Variants in TAFA1 observed in about 807,000 individuals in gnomAD.
TAFA1 encodes TAFA chemokine like family member 1.
Under a neutral mutation model 18.5 loss-of-function variants are expected in TAFA1, and 4 were observed. The observed-to-expected ratio is 0.22, with a 90% confidence interval of 0.11 to 0.49. The LOEUF (loss-of-function observed/expected upper bound fraction) is 0.49, where lower values mean the gene tolerates loss of function less well. Ranked by LOEUF, TAFA1 falls within the 20% of genes least tolerant of loss-of-function variation. The pLI is 0.98. For synonymous variants in TAFA1, 56 were observed against 55.2 expected (o/e 1.01, Z -0.06); for missense variants, 147 against 169.0 (o/e 0.87, Z 0.72).
At chr3:68,139,216 C>T (rs2065641919) in intron 2 of TAFA1, among the ~76,000 whole-genome samples, 1 of 152,010 alleles carries the variant, frequency 6.6e-6, no homozygotes, top group Admixed American at 6.6e-5. Context: ...CATTGACATA[C>T]CGAATATCAG....
intron 4 of TAFA1, among the ~76,000 whole-genome samples, chr3:68,539,556 T>C (rs1442174965): frequency 2.0e-5 from 3 of 151,718 alleles, no homozygotes; most frequent in African/African-American, 7.3e-5. Context: ...ATGCTTAAGA[T>C]AGTAATTATA....
chr3:68,025,691 T>C (rs1484733241), intron 2 of TAFA1, among the ~76,000 whole-genome samples: 2 of 152,172 alleles, frequency 1.3e-5, no homozygotes, highest in East Asian at 1.9e-4. Flanking sequence ...CTGTATTCAT[T>C]GGCTCTTGCT....
chr3:68,376,520 T>A lies in TAFA1; in HGVS notation c.119-40760T>A, dbSNP rs192071046. ...GAACATTCAGTATCTGATTTTCTGT[T>A]CGTACGTTAGTTTGCTAAGAATAAT... On this transcript the variant is annotated intron_variant, in intron 2 of 4. Transcript: ENST00000478136. Among the ~76,000 whole-genome samples, 186 of 152,224 alleles carry A rather than the reference T, an allele frequency of 1.2e-3. 1 individual carries two copies. Among genetic ancestry groups the A allele is most frequent in the African/African-American group, 4.3e-3 (178 of 41,550 alleles).
intron 2 of TAFA1, among the ~76,000 whole-genome samples, chr3:68,118,128 T>A (rs749923571): frequency 6.6e-6 from 1 of 152,210 alleles, no homozygotes; most frequent in Admixed American, 6.5e-5. Context: ...TAATATATAA[T>A]GAAATAATTA....
At chr3:68,343,138 G>A (rs2069111326) in intron 2 of TAFA1, among the ~76,000 whole-genome samples, 1 of 152,130 alleles carries the variant, frequency 6.6e-6, no homozygotes, top group African/African-American at 2.4e-5. Context: ...TACCCATTAA[G>A]AAGCAAATGT....
chr3:68,288,498 T>G (rs991896400), intron 2 of TAFA1, among the ~76,000 whole-genome samples: 1 of 152,220 alleles, frequency 6.6e-6, no homozygotes, highest in Non-Finnish European at 1.5e-5. Context: ...TTGGTGCAGC[T>G]GTTTGTCAAG....
At chr3:68,331,951 C>T (rs1462087614) in intron 2 of TAFA1, among the ~76,000 whole-genome samples, 1 of 142,298 alleles carries the variant, frequency 7.0e-6, no homozygotes, top group African/African-American at 2.6e-5. Flanking sequence ...GCAAGCTCTG[C>T]CTCCCGGGTT....
At chr3:68,455,803 T>G (rs942079484) in intron 3 of TAFA1, among the ~76,000 whole-genome samples, 2 of 152,142 alleles carry the variant, frequency 1.3e-5, no homozygotes, top group African/African-American at 4.8e-5. Context: ...TTTCACAGCT[T>G]TTTCTGTAAC....
intron 2 of TAFA1, among the ~76,000 whole-genome samples, chr3:68,087,576 G>A (rs543514621): frequency 7.3e-4 from 78 of 106,312 alleles, no homozygotes; most frequent in Non-Finnish European, 1.1e-3. Flanking sequence ...CCCTCCTTCC[G>A]TCCTTCCTTC....
chr3:68,339,109 G>C (rs1169254537), intron 2 of TAFA1, among the ~76,000 whole-genome samples: 1 of 152,206 alleles, frequency 6.6e-6, no homozygotes, highest in Admixed American at 6.5e-5. Context: ...ATATCAGTGT[G>C]ATGAGAAGTG....
chr3:67,993,191 C>A, the TAFA1 span, among the ~76,000 whole-genome samples: 1 of 152,218 alleles, frequency 6.6e-6, no homozygotes, highest in African/African-American at 2.4e-5. Context: ...TACTTCATAG[C>A]CAATTTCCCT....
intron 2 of TAFA1, among the ~76,000 whole-genome samples, chr3:68,405,111 C>G (rs1408692957): frequency 6.6e-6 from 1 of 152,048 alleles, no homozygotes; most frequent in Non-Finnish European, 1.5e-5. Flanking sequence ...GCAGTGTCTG[C>G]TTTTTTGTTG....
intron 2 of TAFA1, among the ~76,000 whole-genome samples, chr3:68,173,955 A>G (rs954386727): frequency 1.3e-5 from 2 of 152,350 alleles, no homozygotes; most frequent in South Asian, 2.1e-4. Context: ...TGGGACATGA[A>G]TCTATCACCC....
intron 2 of TAFA1, among the ~76,000 whole-genome samples, chr3:68,093,358 A>C (rs2106801206): frequency 6.6e-6 from 1 of 152,226 alleles, no homozygotes; most frequent in Middle Eastern, 3.4e-3. Flanking sequence ...TTTGGGTCTG[A>C]GCCATGATGA....
At chr3:67,999,278 C>CT (rs1172758836), upstream of TAFA1, among the ~76,000 whole-genome samples, 1,303 of 61,782 alleles carry the variant, frequency 0.021, 16 homozygotes, top group African/African-American at 0.051. Flanking sequence ...CCCCCCCCCC[C>CT]CCCTCTCTCT....
chr3:68,327,591 A>G (rs1473279846), intron 2 of TAFA1, among the ~76,000 whole-genome samples: 1 of 152,202 alleles, frequency 6.6e-6, no homozygotes, highest in East Asian at 1.9e-4. Context: ...TAACAATATT[A>G]ACTTCTTAGG....
intron 2 of TAFA1, among the ~76,000 whole-genome samples, chr3:68,217,811 A>G (rs1216814986): frequency 6.6e-6 from 1 of 152,088 alleles, no homozygotes; most frequent in African/African-American, 2.4e-5. Flanking sequence ...ATTCTTACAA[A>G]GACAATCTGA....
chr3:68,452,535 A>AAC (rs1420543660), intron 3 of TAFA1, among the ~76,000 whole-genome samples: 6 of 151,366 alleles, frequency 4.0e-5, no homozygotes, highest in African/African-American at 1.5e-4. Flanking sequence ...AAAAAAAAAA[A>AAC]AAAAAACTAG....
intron 2 of TAFA1, among the ~76,000 whole-genome samples, chr3:68,248,559 T>A (rs549604371): frequency 6.6e-6 from 1 of 152,034 alleles, no homozygotes; most frequent in East Asian, 1.9e-4. Flanking sequence ...CAATGTACGG[T>A]AAATGCACCT....
Sources: allele counts gnomAD v4.1 joint callset (sites outside exome capture counted in the v4.1 genomes callset), GRCh38; gene constraint gnomAD v4.1.1; transcripts MANE v1.5; gene names NCBI Gene and HGNC (gene_info 2026-07-23, HGNC 2026-07-21).